Variants in BANP observed in about 807,000 individuals in gnomAD.
BANP encodes BTG3 associated nuclear protein, also known as protein BANP.
In BANP, 11 loss-of-function variants were observed where a neutral mutation model predicts 68.1. The observed-to-expected ratio is 0.16, with a 90% confidence interval of 0.10 to 0.27. The LOEUF (loss-of-function observed/expected upper bound fraction) is 0.27. Among genes scored for constraint, BANP ranks in the 10% least tolerant of loss-of-function variants. The pLI is 1.00. For missense variants in BANP, 504 were observed against 722.7 expected, an observed-to-expected ratio of 0.70 and a Z score of 3.47; for synonymous variants, 329 against 303.2, an observed-to-expected ratio of 1.09 and a Z score of -0.88.
At chr16:87,981,496 T>C (rs1339175997) in intron 3 of BANP, among the ~76,000 whole-genome samples, 4 of 152,050 alleles carry the variant, frequency 2.6e-5, no homozygotes, top group Admixed American at 2.0e-4. Context: ...ATTGACTAAA[T>C]TACATCTACA....
At chr16:88,060,870 C>G (rs1469612976) in intron 11 of BANP, among the ~76,000 whole-genome samples, 1 of 149,778 alleles carries the variant, frequency 6.7e-6, no homozygotes, top group Non-Finnish European at 1.5e-5. Context: ...CGCCCACCCT[C>G]CCTCTCACCA....
At chr16:87,961,886 A>G (rs1031220908) in intron 1 of BANP, among the ~76,000 whole-genome samples, 2 of 152,156 alleles carry the variant, frequency 1.3e-5, no homozygotes, top group African/African-American at 4.8e-5. Flanking sequence ...ACCAGCAGGA[A>G]GGCACTCCTC....
At chr16:88,074,411 C>T (rs2091151045) in intron 13 of BANP, among the ~76,000 whole-genome samples, 1 of 152,192 alleles carries the variant, frequency 6.6e-6, no homozygotes, top group South Asian at 2.1e-4. Context: ...GGCCTGTTCC[C>T]TGGAGCAGTG....
intron 7 of BANP, among the ~76,000 whole-genome samples, chr16:88,026,246 G>A (rs908400536): frequency 3.3e-5 from 5 of 152,218 alleles, no homozygotes; most frequent in African/African-American, 1.2e-4. Flanking sequence ...GTGAGAGTAG[G>A]TTGTGCCCAC....
chr16:88,062,236 A>G (rs1454031689), intron 11 of BANP, among the ~76,000 whole-genome samples: 2 of 152,050 alleles, frequency 1.3e-5, no homozygotes, highest in Non-Finnish European at 2.9e-5. Flanking sequence ...ACCTGAGTGG[A>G]TTCTTGGTTA....
intron 8 of BANP, among the ~76,000 whole-genome samples, chr16:88,028,530 T>A (rs1312592931): frequency 6.6e-6 from 1 of 152,192 alleles, no homozygotes; most frequent in East Asian, 1.9e-4. Context: ...GGGAGGTGGC[T>A]GCCTGTAGTG....
chr16:87,994,411 C>A (rs1474132743), intron 4 of BANP, among the ~76,000 whole-genome samples: 1 of 152,218 alleles, frequency 6.6e-6, no homozygotes. Context: ...GGAGTTAGAT[C>A]AGGAGCCTCT....
rs1296052479 is a variant in BANP at position 88,004,198 on chromosome 16, C to G, written c.363-97C>G. The G allele has an allele frequency of 6.4e-6, 5 of 782,100 alleles. No individual in the cohort carries two copies. Among genetic ancestry groups the G allele is most frequent in the Middle Eastern group, 2.2e-4 (1 of 4,530 alleles). 48.4% of individuals were successfully genotyped at this position (782,100 alleles called of 1,614,324 possible). ...TAGGCCTCCCCCTCAGTGCGGGTCC[C>G]TGGGAGTGGACTGTGTTGAATGACT... is the stretch of plus-strand genomic sequence containing the variant. On this transcript the variant is annotated intron_variant, in intron 4 of 13. Coordinates refer to ENST00000682872, the MANE Select transcript of BANP (RefSeq NM_001386991.1). The surrounding 1 kb of genome is among the most constrained non-coding windows in gnomAD (Gnocchi z 7.0).
chr16:88,071,411 A>G lies in BANP; in HGVS notation c.1378-658A>G. ...ACAGGCGATGGGGTCACCAGAGCCCACCCAGGGGCCTCGCCTGTCCCCCAT... is the reference window on the plus strand; with the variant it reads ...ACAGGCGATGGGGTCACCAGAGCCCGCCCAGGGGCCTCGCCTGTCCCCCAT... On this transcript the variant is annotated intron_variant, in intron 12 of 13. Transcript: ENST00000682872. This position sits in a 1 kb window ranked among gnomAD's most constrained non-coding sequence, Gnocchi z 6.5. 2.2e-6 allele frequency: 1 copy of G among 452,094 alleles called. No individual in the cohort carries two copies. Among genetic ancestry groups the G allele is most frequent in the South Asian group, 1.6e-5 (1 of 64,024 alleles). 28.0% of individuals were successfully genotyped at this position (452,094 alleles called of 1,614,324 possible). A position where few individuals can be genotyped will look rare whatever the true frequency, so the allele number is the denominator to read the frequency against.
intron 11 of BANP, among the ~76,000 whole-genome samples, chr16:88,056,414 C>T (rs960893689): frequency 6.6e-6 from 1 of 151,776 alleles, no homozygotes; most frequent in Non-Finnish European, 1.5e-5. Flanking sequence ...AGGCAAGGGC[C>T]CAGGACAAGC....
chr16:88,067,961 A>G (rs946058770), intron 12 of BANP, among the ~76,000 whole-genome samples: 12 of 152,150 alleles, frequency 7.9e-5, no homozygotes, highest in African/African-American at 2.9e-4. Flanking sequence ...TCCGTCCCCA[A>G]CAGACCCGCC....
chr16:88,043,831 A>T (rs186861638), intron 11 of BANP, among the ~76,000 whole-genome samples: 1 of 152,234 alleles, frequency 6.6e-6, no homozygotes, highest in African/African-American at 2.4e-5. Flanking sequence ...GTTAGTGGTA[A>T]GGATAATAGA....
intron 7 of BANP, among the ~76,000 whole-genome samples, chr16:88,024,751 G>C (rs1598565111): frequency 6.6e-6 from 1 of 152,260 alleles, no homozygotes; most frequent in Non-Finnish European, 1.5e-5. Context: ...GCTGGGGCCT[G>C]GAGCGCAGAC....
At position 88,057,940 on chromosome 16, in the gene BANP, G is replaced by A. The variant is rs999055202; in HGVS notation, c.1312-7327G>A. 1.3e-5 allele frequency among the ~76,000 whole-genome samples: 2 copies of A among 152,180 alleles called. No homozygotes were observed. Among genetic ancestry groups the A allele is most frequent in the Non-Finnish European group, 1.5e-5 (1 of 68,030 alleles). ...TCCGACAAGCCAGGCGCCGAGGCTC[G>A]GTGTGGGCCCGTGGGCCTGATTGAA... On this transcript the variant is annotated intron_variant, in intron 11 of 13. Coordinates refer to ENST00000682872, the MANE Select transcript of BANP (RefSeq NM_001386991.1). The surrounding 1 kb of genome is among the most constrained non-coding windows in gnomAD (Gnocchi z 4.6).
intron 4 of BANP, among the ~76,000 whole-genome samples, chr16:88,001,556 G>A (rs1255458908): frequency 6.6e-6 from 1 of 152,216 alleles, no homozygotes; most frequent in Non-Finnish European, 1.5e-5. Flanking sequence ...GCAATTTGAG[G>A]TTGATTTAAA....
chr16:88,056,744 A>G (rs903949035), intron 11 of BANP, among the ~76,000 whole-genome samples: 3 of 152,072 alleles, frequency 2.0e-5, no homozygotes, highest in African/African-American at 7.3e-5. Flanking sequence ...CAATTTTACC[A>G]TTTTCAAATA....
chr16:87,963,087 C>A (rs778634737), intron 1 of BANP, among the ~76,000 whole-genome samples: 6 of 152,150 alleles, frequency 3.9e-5, no homozygotes, highest in African/African-American at 7.2e-5. Context: ...GAGTTCCTGT[C>A]CTAATTTTTA....
chr16:88,033,056 G>C (rs2078543574), intron 8 of BANP, 53 bp from the exon 9 acceptor site: 1 of 1,529,954 alleles, frequency 6.5e-7, no homozygotes, highest in Non-Finnish European at 8.9e-7. Context: ...GCCACACCAG[G>C]CAATGCCTAA....
intron 6 of BANP, among the ~76,000 whole-genome samples, chr16:88,015,771 T>TTAG (rs1425271453): frequency 6.6e-6 from 1 of 152,262 alleles, no homozygotes; most frequent in African/African-American, 2.4e-5. Flanking sequence ...GGTGCTCTTC[T>TTAG]AGCGCCTCAG....
Sources: gnomAD v4.1 joint callset for allele counts (sites outside exome capture counted in the v4.1 genomes callset) on GRCh38, gnomAD v4.1.1 for gene constraint, Gnocchi (gnomAD v3.1) non-coding constraint, MANE v1.5 for transcripts, NCBI Gene and HGNC (gene_info 2026-07-23, HGNC 2026-07-21) for gene names.